Variants in ETV1 observed in about 807,000 individuals in gnomAD.
ETV1 encodes the protein ETS translocation variant 1.
In ETV1, 27 loss-of-function variants were observed where a neutral mutation model predicts 62.3. The ratio of observed to expected loss-of-function variants is 0.43; its 90% CI spans 0.32 to 0.60. The LOEUF is 0.60. Among genes scored for constraint, ETV1 ranks in the 20% least tolerant of loss-of-function variants. The pLI is 0.06. For missense variants in ETV1, 605 were observed against 605.8 expected (o/e 1.00, Z 0.01); for synonymous variants, 222 against 199.6 (o/e 1.11, Z -0.94).
intron 6 of ETV1, among the ~76,000 whole-genome samples, chr7:13,953,704 C>T (rs1789089184): frequency 6.6e-6 from 1 of 151,660 alleles, no homozygotes; most frequent in Non-Finnish European, 1.5e-5. Context: ...AAAAGGTGGG[C>T]TTCCTTCTAC....
intron 9 of ETV1, among the ~76,000 whole-genome samples, chr7:13,929,613 C>A (rs567423920): frequency 6.6e-6 from 1 of 152,136 alleles, no homozygotes; most frequent in Non-Finnish European, 1.5e-5. Flanking sequence ...CATGCCTTCA[C>A]GAACAACTGC....
intron 9 of ETV1, among the ~76,000 whole-genome samples, chr7:13,920,789 C>T (rs192864078): frequency 6.6e-6 from 1 of 152,146 alleles, no homozygotes; most frequent in African/African-American, 2.4e-5. Flanking sequence ...ATATAGTGGG[C>T]CAGAGTACTG....
intron 6 of ETV1, among the ~76,000 whole-genome samples, chr7:13,958,009 G>C (rs994084455): frequency 1.3e-5 from 2 of 152,170 alleles, no homozygotes; most frequent in African/African-American, 2.4e-5. Context: ...AGTTAAGTCA[G>C]ATAAAGCCTG....
At chr7:13,979,925 T>G (rs1406144851) in intron 5 of ETV1, among the ~76,000 whole-genome samples, 1 of 152,130 alleles carries the variant, frequency 6.6e-6, no homozygotes, top group African/African-American at 2.4e-5. Flanking sequence ...GGGTGTGTGA[T>G]GTGTGCTGGA....
rs1781443639 is a variant in ETV1 at position 13,892,438 on chromosome 7, C to T, written c.*3428G>A. 1 of 232,692 alleles carries T rather than the reference C, an allele frequency of 4.3e-6. No individual in the cohort carries two copies. The highest frequency in any genetic ancestry group is 2.2e-5 in the African/African-American group (1 of 45,282). The allele number at this position is 232,692 out of a possible 1,614,324, so 14.4% of individuals were successfully genotyped here. ...TCTCAGTGGTAAATAAAAGCAAACT[C>T]TAGTACTTTCAAATCCTAGATCCCT... On this transcript the variant is annotated 3_prime_UTR_variant, in exon 14 of 14. Coordinates refer to ENST00000430479, the MANE Select transcript of ETV1 (RefSeq NM_004956.5).
chr7:13,897,978 A>C (rs1234727080), intron 13 of ETV1, among the ~76,000 whole-genome samples: 1 of 152,212 alleles, frequency 6.6e-6, no homozygotes, highest in Non-Finnish European at 1.5e-5. Context: ...TAATAAATGA[A>C]TTAAAATGTG....
In ETV1 at chr7:13,895,147, A is replaced by G. The variant is rs1781651539; in HGVS notation, c.*719T>C. 1 of 233,522 alleles carries G rather than the reference A, an allele frequency of 4.3e-6. No individual in the cohort carries two copies. The highest frequency in any genetic ancestry group is 5.6e-5 in the Admixed American group (1 of 17,798). 14.5% of individuals were successfully genotyped at this position (233,522 alleles called of 1,614,324 possible). ...TAAACAGCAAGGTGGCACCAGATAC[A>G]CGTAATGCTACTGGCCTATGACTCA... On this transcript the variant is annotated 3_prime_UTR_variant, in exon 14 of 14. Transcript: ENST00000430479.
chr7:13,928,779 G>A (rs207467676), intron 9 of ETV1, among the ~76,000 whole-genome samples: 11 of 152,198 alleles, frequency 7.2e-5, no homozygotes, highest in Non-Finnish European at 1.3e-4. Context: ...CCACCATGGT[G>A]AAACCCCGTC....
At chr7:13,988,199 T>G (rs1264568465) in intron 3 of ETV1, 26 bp from the exon 4 acceptor site, 1 of 1,486,594 alleles carries the variant, frequency 6.7e-7, no homozygotes, top group Admixed American at 1.7e-5. Context: ...TAAAATCCTT[T>G]AAAAGAATGT....
chr7:13,975,148 C>G (rs1262743909), intron 6 of ETV1: 1 of 152,178 alleles, frequency 6.6e-6, no homozygotes, highest in Admixed American at 6.5e-5. Context: ...TCCCACTAAC[C>G]ACATTTCGTG....
intron 6 of ETV1, among the ~76,000 whole-genome samples, chr7:13,970,851 A>C (rs908615494): frequency 6.6e-6 from 1 of 152,116 alleles, no homozygotes. Flanking sequence ...CAGGGTCTAC[A>C]CAGACCTGAC....
Position 13,931,815 on chromosome 7 carries a change from C to T in ETV1, c.555-66G>A, listed in dbSNP as rs1050482558. 17 of 1,572,484 alleles carry T rather than the reference C, an allele frequency of 1.1e-5. No individual in the cohort carries two copies. In the East Asian group the frequency reaches 1.6e-4, roughly 15 times the overall value. On this transcript the variant is annotated intron_variant, in intron 8 of 13. Coordinates refer to ENST00000430479, the MANE Select transcript of ETV1 (RefSeq NM_004956.5). ...TGGAACATTCTTTAAAATACGGATA[C>T]GGTTTTCCATTTCTTAGTGAACGAA...
Position 13,989,028 on chromosome 7 carries a change from C to T in ETV1, c.25G>A (p.Val9Met). 1 of 1,607,210 alleles carries T rather than the reference C, an allele frequency of 6.2e-7. No homozygotes were observed. The highest frequency in any genetic ancestry group is 1.1e-5 in the South Asian group (1 of 89,652). MDGFYDQQ[V>M]PYMVTNSQRG... ...CTCACATTGGTGACCATGTAAGGCA[C>T]TTGCTGGTCATAAAATCCATCCATG... is the stretch of plus-strand genomic sequence containing the variant. The change falls in exon 3 of 14, where the codon GTG becomes ATG. Residue 9 changes from valine to methionine, a missense_variant. This residue lies in a region of ETV1 where 426 missense variants were observed against 377.8 expected (regional missense o/e 1.13). Coordinates refer to ENST00000430479, the MANE Select transcript of ETV1 (RefSeq NM_004956.5).
intron 6 of ETV1, among the ~76,000 whole-genome samples, chr7:13,939,955 GTAATGCTTATATGCA>G (rs1337737420): frequency 6.6e-6 from 1 of 152,196 alleles, no homozygotes; most frequent in African/African-American, 2.4e-5. Flanking sequence ...TTAATGCACA[GTAATGCTTATATGCA>G]TTTATGTTTA....
chr7:13,952,064 A>C (rs1788883282), intron 6 of ETV1, among the ~76,000 whole-genome samples: 1 of 152,168 alleles, frequency 6.6e-6, no homozygotes, highest in African/African-American at 2.4e-5. Flanking sequence ...TAAATAAATA[A>C]ATAAACATGG....
intron 9 of ETV1, 85 bp from the exon 10 acceptor site, chr7:13,911,392 T>C: frequency 2.3e-6 from 2 of 871,708 alleles, no homozygotes; most frequent in Non-Finnish European, 3.8e-6. Context: ...ACAGAGAAGA[T>C]ACAGAAACGG....
At chr7:13,938,671 A>G (rs1051841048) in intron 7 of ETV1, among the ~76,000 whole-genome samples, 5 of 152,240 alleles carry the variant, frequency 3.3e-5, no homozygotes, top group Non-Finnish European at 5.9e-5. Context: ...AAGCCTTATG[A>G]AATTCCAGTT....
chr7:13,975,013 A>G (rs1387719890), intron 6 of ETV1: 2 of 152,456 alleles, frequency 1.3e-5, no homozygotes, highest in African/African-American at 2.4e-5. Context: ...GGCTGGAGAC[A>G]ACAATGTGGA....
At chr7:13,903,573 G>A (rs1207715013) in intron 12 of ETV1, among the ~76,000 whole-genome samples, 3 of 151,838 alleles carry the variant, frequency 2.0e-5, no homozygotes, top group African/African-American at 7.3e-5. Context: ...GACCACCCTG[G>A]CCAACATAGT....
Sources: gnomAD v4.1 joint callset for allele counts (sites outside exome capture counted in the v4.1 genomes callset) on GRCh38, gnomAD v4.1.1 for gene constraint, gnomAD v4.1.1 regional missense constraint, MANE v1.5 for transcripts, NCBI Gene and HGNC (gene_info 2026-07-23, HGNC 2026-07-21) for gene names.